The following ARHGAP39 variants were observed in gnomAD, a reference collection of about 807,000 sequenced individuals.
ARHGAP39 encodes Rho GTPase activating protein 39.
In ARHGAP39, 44 loss-of-function variants were observed where a neutral mutation model predicts 106.9. The observed-to-expected ratio is 0.41, with a 90% confidence interval of 0.32 to 0.53. The LOEUF (loss-of-function observed/expected upper bound fraction) is 0.53. Among genes scored for constraint, ARHGAP39 ranks in the 20% least tolerant of loss-of-function variants. ARHGAP39 has a pLI of 0.21. For missense variants in ARHGAP39, 1,496 were observed against 1,577.3 expected (o/e 0.95, Z 0.87); for synonymous variants, 768 against 693.2 (o/e 1.11, Z -1.69).
At chr8:144,651,149 T>C (rs1821563819) in intron 1 of ARHGAP39, among the ~76,000 whole-genome samples, 1 of 152,022 alleles carries the variant, frequency 6.6e-6, no homozygotes, top group Non-Finnish European at 1.5e-5. Flanking sequence ...GGCAATCCCA[T>C]TCACAAATGC....
In ARHGAP39 at chr8:144,646,758, G is replaced by A. The variant is rs913922006; in HGVS notation, c.-82+38928C>T. 2.0e-5 allele frequency among the ~76,000 whole-genome samples: 3 copies of A among 152,196 alleles called. No homozygotes were observed. Among genetic ancestry groups the A allele is most frequent in the Admixed American group, 6.5e-5 (1 of 15,284 alleles). ...ACAGCCTGGTCCTGGTGAGACCCTC[G>A]CTGGGCCCAGAGTCCAAGCGGGCCA... On this transcript the variant is annotated intron_variant, in intron 1 of 11. Transcript: ENST00000377307. This position sits in a 1 kb window ranked among gnomAD's most constrained non-coding sequence, Gnocchi z 5.7.
At chr8:144,538,584 T>C (rs1054666520) in intron 6 of ARHGAP39, among the ~76,000 whole-genome samples, 5 of 152,178 alleles carry the variant, frequency 3.3e-5, no homozygotes, top group Admixed American at 2.0e-4. Context: ...CTTTTTGAGA[T>C]AGGGTCTGTG....
intron 1 of ARHGAP39, among the ~76,000 whole-genome samples, chr8:144,653,538 G>C (rs1821624593): frequency 6.6e-6 from 1 of 152,110 alleles, no homozygotes; most frequent in Non-Finnish European, 1.5e-5. Flanking sequence ...TGCTTGCACG[G>C]AGAACCCCCA....
chr8:144,651,329 T>C (rs530457766), intron 1 of ARHGAP39, among the ~76,000 whole-genome samples: 1 of 152,286 alleles, frequency 6.6e-6, no homozygotes, highest in African/African-American at 2.4e-5. Context: ...GGCCATAATG[T>C]ACAAAGAAAT....
chr8:144,570,270 C>T (rs979395082), intron 3 of ARHGAP39, among the ~76,000 whole-genome samples: 4 of 152,136 alleles, frequency 2.6e-5, no homozygotes, highest in Admixed American at 2.6e-4. Flanking sequence ...ATAAGCCGAG[C>T]AGAACGTGAG....
chr8:144,602,871 CAT>C (rs1586604254), intron 2 of ARHGAP39, among the ~76,000 whole-genome samples: 4 of 112,274 alleles, frequency 3.6e-5, no homozygotes, highest in Admixed American at 2.1e-4. Flanking sequence ...TACCTGTGTG[CAT>C]GTGTGTGGTG....
At chr8:144,560,915 T>C (rs1043264263) in intron 3 of ARHGAP39, among the ~76,000 whole-genome samples, 2 of 152,262 alleles carry the variant, frequency 1.3e-5, no homozygotes, top group Non-Finnish European at 2.9e-5. Flanking sequence ...AAATGACCCT[T>C]ACACTAACGT....
At chr8:144,533,371 G>A (rs1286019363) in intron 8 of ARHGAP39, 46 bp from the exon 9 acceptor site, 7 of 1,579,948 alleles carry the variant, frequency 4.4e-6, no homozygotes, top group Admixed American at 1.7e-5. Context: ...GCCATCCTCA[G>A]GACCCCCCGC....
At position 144,599,383 on chromosome 8, in the gene ARHGAP39, A is replaced by G. The variant is rs116910798; in HGVS notation, c.80+6152T>C. ...TCTAGGGGATGTTTTAAGTGGAAAAAGCAAATTGTGCAAAGAACACATAAA... is the reference window on the plus strand; with the variant it reads ...TCTAGGGGATGTTTTAAGTGGAAAAGGCAAATTGTGCAAAGAACACATAAA... On this transcript the variant is annotated intron_variant, in intron 2 of 11. Coordinates refer to ENST00000377307, the MANE Select transcript of ARHGAP39 (RefSeq NM_025251.3). Among the ~76,000 whole-genome samples the G allele has an allele frequency of 6.4e-3, 969 of 152,356 alleles. 12 individuals carry two copies. The highest frequency in any genetic ancestry group is 7.2e-3 in the Non-Finnish European group (489 of 68,032).
At chr8:144,578,352 C>A (rs1818847718) in intron 3 of ARHGAP39, among the ~76,000 whole-genome samples, 2 of 152,118 alleles carry the variant, frequency 1.3e-5, no homozygotes, top group South Asian at 4.1e-4. Context: ...CCTCAGCCAC[C>A]CGAGTAGCTG....
intron 1 of ARHGAP39, among the ~76,000 whole-genome samples, chr8:144,677,334 T>C (rs1463175014): frequency 6.6e-6 from 1 of 152,194 alleles, no homozygotes; most frequent in Non-Finnish European, 1.5e-5. Flanking sequence ...TAATTTGACC[T>C]ACTATATTAT....
At chr8:144,563,507 TAAAATTTTAGGGCTCAGCCCTAAA>T (rs1818282244) in intron 3 of ARHGAP39, among the ~76,000 whole-genome samples, 1 of 152,110 alleles carries the variant, frequency 6.6e-6, no homozygotes, top group Admixed American at 6.6e-5. Context: ...CTTGGCACCC[TAAAATTTTAGGGCTCAGCCCTAAA>T]ATCCCAATGC....
intron 1 of ARHGAP39, among the ~76,000 whole-genome samples, chr8:144,627,573 A>G (rs989635828): frequency 1.0e-4 from 15 of 147,054 alleles, no homozygotes; most frequent in South Asian, 2.2e-4. Flanking sequence ...AAAAAAAAAG[A>G]AAGGAAGGAG....
Position 144,534,185 on chromosome 8 carries a change from A to G in ARHGAP39, c.2632T>C (p.Tyr878His). 1 of 1,613,294 alleles carries G rather than the reference A, an allele frequency of 6.2e-7. No homozygotes were observed. Among genetic ancestry groups the G allele is most frequent in the Non-Finnish European group, 8.5e-7 (1 of 1,179,772 alleles). ...EEPDGVAISTYAKYCYHKLQK... is the reference protein window; with the variant it reads ...EEPDGVAISTHAKYCYHKLQK... ...AGCTTGTGGTAACAGTACTTGGCAT[A>G]CGTGCTTATCGCCACCCCTGGAAAG... Residue 878 changes from tyrosine to histidine, a missense_variant, in exon 8 of 12, where the codon TAT (tyrosine) becomes CAT (histidine). Transcript: ENST00000377307.
intron 1 of ARHGAP39, among the ~76,000 whole-genome samples, chr8:144,607,364 C>T (rs910429741): frequency 2.0e-5 from 3 of 152,226 alleles, no homozygotes; most frequent in African/African-American, 4.8e-5. Flanking sequence ...GCCTCCGGCC[C>T]GGGTGGTGAC....
chr8:144,653,208 C>A (rs1273078825), intron 1 of ARHGAP39, among the ~76,000 whole-genome samples: 1 of 152,076 alleles, frequency 6.6e-6, no homozygotes, highest in Admixed American at 6.5e-5. Context: ...AGGCAGGAAT[C>A]CACAATCGCT....
intron 2 of ARHGAP39, among the ~76,000 whole-genome samples, chr8:144,588,337 G>T (rs532956794): frequency 6.6e-6 from 1 of 152,260 alleles, no homozygotes; most frequent in Non-Finnish European, 1.5e-5. Context: ...CAAAACCAAC[G>T]GTGATGCCAG....
At chr8:144,560,303 C>T (rs1040124829) in intron 3 of ARHGAP39, among the ~76,000 whole-genome samples, 10 of 152,108 alleles carry the variant, frequency 6.6e-5, no homozygotes, top group Admixed American at 2.6e-4. Flanking sequence ...GGTGTGGTGG[C>T]GCGTGCCTAT....
At chr8:144,680,184 C>T (rs1822367445) in intron 1 of ARHGAP39, among the ~76,000 whole-genome samples, 1 of 152,228 alleles carries the variant, frequency 6.6e-6, no homozygotes, top group Non-Finnish European at 1.5e-5. Flanking sequence ...TCATATCCCA[C>T]TGAGTACGGT....
Sources: allele counts gnomAD v4.1 joint callset (sites outside exome capture counted in the v4.1 genomes callset), GRCh38; gene constraint gnomAD v4.1.1; non-coding constraint Gnocchi (gnomAD v3.1); transcripts MANE v1.5; gene names NCBI Gene and HGNC (gene_info 2026-07-23, HGNC 2026-07-21).